MPHOSPH8: variants seen among roughly 807,000 people sequenced by gnomAD.
MPHOSPH8 encodes the protein M-phase phosphoprotein, mpp.
MPHOSPH8 carries 45 observed loss-of-function variants against 87.3 expected under a neutral mutation model. That is an observed-to-expected ratio of 0.52 (90% confidence interval 0.41 to 0.66). The LOEUF (loss-of-function observed/expected upper bound fraction) is 0.66, where lower values mean the gene tolerates loss of function less well. Ranked by LOEUF, MPHOSPH8 falls within the 30% of genes least tolerant of loss-of-function variation. The pLI is 0.00. For synonymous variants in MPHOSPH8, 366 were observed against 376.9 expected (o/e 0.97, Z 0.33); for missense variants, 883 against 1,020.2 (o/e 0.87, Z 1.83).
At chr13:19,636,125 C>G (rs1016188608) in intron 1 of MPHOSPH8, among the ~76,000 whole-genome samples, 1 of 152,212 alleles carries the variant, frequency 6.6e-6, no homozygotes, top group Non-Finnish European at 1.5e-5. Flanking sequence ...TTCTTCATAG[C>G]AGTTTGAGAA....
In MPHOSPH8 at chr13:19,661,921, T is replaced by G. The variant is rs913766476; in HGVS notation, c.1932+83T>G. On this transcript the variant is annotated intron_variant, in intron 8 of 13. Transcript: ENST00000361479. ...TGAGAGGATCTCTTTGGTAGTGAAA[T>G]ATAGCAGTCACATGGTCACATCGCT... 7.0e-5 allele frequency: 102 copies of G among 1,447,304 alleles called. No homozygotes were observed. The Middle Eastern group carries it at 1.4e-3, about 19-fold the overall frequency. The allele number at this position is 1,447,304 out of a possible 1,614,324, so 89.7% of individuals were successfully genotyped here.
At chr13:19,637,595 G>A (rs1874073086) in intron 1 of MPHOSPH8, among the ~76,000 whole-genome samples, 1 of 151,020 alleles carries the variant, frequency 6.6e-6, no homozygotes, top group African/African-American at 2.4e-5. Context: ...AAAGTGCTGG[G>A]ATTACAGGCA....
intron 1 of MPHOSPH8, among the ~76,000 whole-genome samples, chr13:19,635,331 C>T (rs1873948580): frequency 1.3e-5 from 2 of 152,052 alleles, no homozygotes; most frequent in African/African-American, 4.8e-5. Flanking sequence ...CCAGCCTGGC[C>T]AACATGGTGA....
intron 3 of MPHOSPH8, 48 bp from the exon 4 acceptor site, chr13:19,648,374 G>C (rs777721527): frequency 8.1e-7 from 1 of 1,230,744 alleles, no homozygotes. Context: ...TAAATTTACA[G>C]TGTCAACTCT....
In MPHOSPH8 at chr13:19,672,009, T is replaced by C; in HGVS notation, c.*134T>C. On this transcript the variant is annotated 3_prime_UTR_variant, in exon 14 of 14. Transcript: ENST00000361479. ...CTCTTGCAGTTAAGCCTGTTGTCTG[T>C]TGTAGTCTGTAAGATGCGACATAGC... 8.1e-6 allele frequency: 7 copies of C among 863,262 alleles called. No individual in the cohort carries two copies. The Admixed American group carries it at 1.1e-4, about 13-fold the overall frequency. The allele number at this position is 863,262 out of a possible 1,614,324, so 53.5% of individuals were successfully genotyped here.
At chr13:19,648,383 C>A (rs368639442) in intron 3 of MPHOSPH8, 39 bp from the exon 4 acceptor site, 783 of 1,339,436 alleles carry the variant, frequency 5.8e-4, no homozygotes, top group Non-Finnish European at 7.8e-4. Context: ...AGTGTCAACT[C>A]TTTATCCATT....
intron 9 of MPHOSPH8, among the ~76,000 whole-genome samples, chr13:19,664,138 C>G (rs1875695443): frequency 6.6e-6 from 1 of 152,156 alleles, no homozygotes; most frequent in Non-Finnish European, 1.5e-5. Flanking sequence ...GCCACCACAC[C>G]CAGCCATTTT....
chr13:19,635,895 C>T (rs895721704), intron 1 of MPHOSPH8, among the ~76,000 whole-genome samples: 1 of 152,140 alleles, frequency 6.6e-6, no homozygotes, highest in African/African-American at 2.4e-5. Context: ...TGGTTTCGCC[C>T]ATGCTGTTCT....
intron 2 of MPHOSPH8, among the ~76,000 whole-genome samples, chr13:19,643,357 C>T (rs7321243): frequency 0.01 from 1,554 of 152,226 alleles, 25 homozygotes; most frequent in African/African-American, 0.035. Flanking sequence ...ACAATCCTCC[C>T]ACCTCAGCCT....
rs35454448 is a variant in MPHOSPH8, at chr13:19,641,321, A to ATT, written c.214-776_214-775dup. Reference sequence around the variant, plus strand: ...AGTTACATGCCACTGTGCCCAGCTAATTTTTTTTTTTTTTTTTTTGAGATG... The same window carrying ATT: ...AGTTACATGCCACTGTGCCCAGCTAATTTTTTTTTTTTTTTTTTTTTGAGATG... On this transcript the variant is annotated intron_variant, in intron 1 of 13. Transcript: ENST00000361479. Among the ~76,000 whole-genome samples the ATT allele has an allele frequency of 6.6e-5, 7 of 106,490 alleles. 1 individual carries two copies. In the Admixed American group the frequency reaches 7.0e-4, roughly 11 times the overall value. 69.9% of individuals were successfully genotyped at this position (106,490 alleles called of 152,430 possible). A position where few individuals can be genotyped will look rare whatever the true frequency, so the allele number is the denominator to read the frequency against.
chr13:19,641,643 C>T (rs536668041), intron 1 of MPHOSPH8, among the ~76,000 whole-genome samples: 10 of 151,954 alleles, frequency 6.6e-5, no homozygotes, highest in African/African-American at 2.4e-4. Flanking sequence ...CAGGCGCCCA[C>T]CACCACACCC....
intron 1 of MPHOSPH8, among the ~76,000 whole-genome samples, chr13:19,634,922 T>G (rs572123752): frequency 1.3e-5 from 2 of 152,242 alleles, no homozygotes; most frequent in Non-Finnish European, 2.9e-5. Flanking sequence ...GTCAATTTTT[T>G]GCGCATTCAT....
At chr13:19,671,353 A>G (rs1876116467) in intron 13 of MPHOSPH8, 64 bp downstream of exon 13, 3 of 1,454,484 alleles carry the variant, frequency 2.1e-6, no homozygotes, top group Non-Finnish European at 2.9e-6. Context: ...TACTTTATCA[A>G]CATTAGAAAA....
In MPHOSPH8 at chr13:19,652,574, G is replaced by A. The variant is rs199532965; in HGVS notation, c.1576+2314G>A. Among the ~76,000 whole-genome samples the A allele has an allele frequency of 4.6e-5, 7 of 152,254 alleles. No homozygotes were observed. In the East Asian group the frequency reaches 7.7e-4, roughly 17 times the overall value. ...CCCCAGTGGCACCTGGAACGCCAGC[G>A]AGACAAAACCGTTCATTCCTCTGGA... On this transcript the variant is annotated intron_variant, in intron 5 of 13. Coordinates refer to ENST00000361479, the MANE Select transcript of MPHOSPH8 (RefSeq NM_017520.4).
intron 1 of MPHOSPH8, among the ~76,000 whole-genome samples, chr13:19,639,459 C>T (rs1030540131): frequency 2.2e-4 from 33 of 151,932 alleles, no homozygotes; most frequent in African/African-American, 6.5e-4. Flanking sequence ...TACAGGCACA[C>T]GCCACCACAC....
Position 19,650,194 on chromosome 13 carries a change from G to T in MPHOSPH8, c.1510G>T (p.Ala504Ser). The change falls in exon 5 of 14, where the codon GCA becomes TCA. Residue 504 changes from alanine (A) to serine (S), a missense_variant. This residue lies in a region of MPHOSPH8 where 741 missense variants were observed against 841.5 expected (regional missense o/e 0.88). Coordinates refer to ENST00000361479, the MANE Select transcript of MPHOSPH8 (RefSeq NM_017520.4). Reference protein sequence around the residue: ...RNTRDETDTWAYIAAEGDQEV... With the variant: ...RNTRDETDTWSYIAAEGDQEV... ...CACCAGAGACGAAACGGATACTTGGGCATACATTGCTGCAGAAGGTGATCA... is the reference window on the plus strand; with the variant it reads ...CACCAGAGACGAAACGGATACTTGGTCATACATTGCTGCAGAAGGTGATCA... 6.2e-7 allele frequency: 1 copy of T among 1,614,158 alleles called. No homozygotes were observed. Among genetic ancestry groups the T allele is most frequent in the Non-Finnish European group, 8.5e-7 (1 of 1,180,014 alleles).
intron 2 of MPHOSPH8, among the ~76,000 whole-genome samples, chr13:19,643,577 A>G (rs9315008): frequency 0.66 from 101,116 of 152,132 alleles, 37,471 homozygotes; most frequent in East Asian, 0.89. Context: ...ATGGTACCAT[A>G]TACTAATTTT....
intron 2 of MPHOSPH8, among the ~76,000 whole-genome samples, chr13:19,645,568 C>T (rs1874522822): frequency 6.6e-6 from 1 of 151,990 alleles, no homozygotes; most frequent in South Asian, 2.1e-4. Context: ...CCAGCCTGGA[C>T]AACATGATGA....
chr13:19,659,702 T>C, intron 7 of MPHOSPH8: 1 of 424,918 alleles, frequency 2.4e-6, no homozygotes, highest in Non-Finnish European at 4.6e-6. Context: ...CTTTGTAAAA[T>C]AAAAAAATTG....
Sources: gnomAD v4.1 joint callset for allele counts (sites outside exome capture counted in the v4.1 genomes callset) on GRCh38, gnomAD v4.1.1 for gene constraint, gnomAD v4.1.1 regional missense constraint, MANE v1.5 for transcripts, NCBI Gene and HGNC (gene_info 2026-07-23, HGNC 2026-07-21) for gene names.